The following EXT1 variants were observed in gnomAD, a reference collection of about 807,000 sequenced individuals.
EXT1 encodes the protein exostosin glycosyltransferase 1.
In EXT1, 20 loss-of-function variants were observed where a neutral mutation model predicts 82.5. The ratio of observed to expected loss-of-function variants is 0.24; its 90% CI spans 0.17 to 0.35. The LOEUF (loss-of-function observed/expected upper bound fraction) is 0.35. EXT1 is among the 10% of genes least tolerant of loss of function. EXT1 has a pLI of 1.00. For missense variants in EXT1, 757 were observed against 936.5 expected, an observed-to-expected ratio of 0.81 and a Z score of 2.50; for synonymous variants, 348 against 350.8, an observed-to-expected ratio of 0.99 and a Z score of 0.09.
chr8:117,892,294 T>G (rs1395618723), intron 1 of EXT1, among the ~76,000 whole-genome samples: 5 of 152,198 alleles, frequency 3.3e-5, no homozygotes, highest in African/African-American at 1.2e-4. Flanking sequence ...TCCAATGCAT[T>G]CACCTAGGAC....
Position 118,111,627 on chromosome 8 carries a change from C to T in EXT1, c.-581G>A, listed in dbSNP as rs1817905469. On this transcript the variant is annotated 5_prime_UTR_variant, in exon 1 of 11. Transcript: ENST00000378204. ...CTCTTTATTCCCTTCTGCAGCGGCT[C>T]CAAGACTCCGGCGGTGTTTACTCCT... 6 of 397,344 alleles carry T rather than the reference C, an allele frequency of 1.5e-5. No homozygotes were observed. The highest frequency in any genetic ancestry group is 2.7e-5 in the Non-Finnish European group (6 of 225,586). 24.6% of individuals were successfully genotyped at this position (397,344 alleles called of 1,614,324 possible).
At chr8:118,064,099 G>A (rs1403243078) in intron 1 of EXT1, among the ~76,000 whole-genome samples, 1 of 152,128 alleles carries the variant, frequency 6.6e-6, no homozygotes, top group African/African-American at 2.4e-5. Flanking sequence ...CCTGACCTTA[G>A]GTGATCCATC....
rs111790075 is a variant in EXT1 at position 118,091,353 on chromosome 8, G to T, written c.962+18732C>A. ...TCTCTAATTTCACTCCTACTATTTC[G>T]AACCTCAAGGAGGGTAAAATATATA... On this transcript the variant is annotated intron_variant, in intron 1 of 10. Transcript: ENST00000378204. Among the ~76,000 whole-genome samples the T allele has an allele frequency of 4.7e-3, 716 of 152,202 alleles. 9 individuals carry two copies. Among genetic ancestry groups the T allele is most frequent in the South Asian group, 0.029 (141 of 4,816 alleles).
chr8:118,003,369 A>G (rs1815711434), intron 1 of EXT1, among the ~76,000 whole-genome samples: 1 of 150,966 alleles, frequency 6.6e-6, no homozygotes, highest in Non-Finnish European at 1.5e-5. Flanking sequence ...TCATGTAACC[A>G]AACACCACCT....
intron 1 of EXT1, among the ~76,000 whole-genome samples, chr8:117,866,790 A>AC (rs1160424830): frequency 1.9e-4 from 17 of 90,036 alleles, no homozygotes; most frequent in Non-Finnish European, 3.0e-4. Context: ...TCCCTGGCCT[A>AC]CCCAAAAAAA....
chr8:118,103,613 G>C (rs1039628446), intron 1 of EXT1, among the ~76,000 whole-genome samples: 17 of 152,098 alleles, frequency 1.1e-4, no homozygotes, highest in Non-Finnish European at 2.5e-4. Flanking sequence ...CAGTCACTCT[G>C]ATCCCCATCC....
intron 1 of EXT1, among the ~76,000 whole-genome samples, chr8:117,918,270 G>A (rs4401892): frequency 0.053 from 8,071 of 152,156 alleles, 545 homozygotes; most frequent in African/African-American, 0.15. Flanking sequence ...GAGCTTCTGC[G>A]CTGCACCCAA....
At chr8:117,950,402 A>T (rs1398647666) in intron 1 of EXT1, among the ~76,000 whole-genome samples, 1 of 152,192 alleles carries the variant, frequency 6.6e-6, no homozygotes, top group Admixed American at 6.5e-5. Context: ...CCAAATGCGG[A>T]TTTACACTGA....
At chr8:117,824,845 T>C (rs1327710157) in intron 4 of EXT1, among the ~76,000 whole-genome samples, 1 of 152,080 alleles carries the variant, frequency 6.6e-6, no homozygotes, top group African/African-American at 2.4e-5. Context: ...ATTCTTCTTC[T>C]TCTTTTTCTT....
chr8:117,834,474 G>T (rs903787498), intron 3 of EXT1, among the ~76,000 whole-genome samples: 1 of 152,042 alleles, frequency 6.6e-6, no homozygotes, highest in Non-Finnish European at 1.5e-5. Context: ...GCGTGGTGGT[G>T]TGCACCTGTA....
chr8:117,849,398 T>G (rs1474187195), intron 1 of EXT1, among the ~76,000 whole-genome samples: 1 of 152,214 alleles, frequency 6.6e-6, no homozygotes, highest in Non-Finnish European at 1.5e-5. Flanking sequence ...ACAGTAATCT[T>G]TTAGGAAATA....
chr8:118,089,087 A>T (rs1295164567), intron 1 of EXT1, among the ~76,000 whole-genome samples: 1 of 152,094 alleles, frequency 6.6e-6, no homozygotes, highest in Non-Finnish European at 1.5e-5. Flanking sequence ...AATAAATTGT[A>T]TGTTATTTTT....
At chr8:118,098,684 G>A (rs1042686033) in intron 1 of EXT1, among the ~76,000 whole-genome samples, 12 of 151,634 alleles carry the variant, frequency 7.9e-5, no homozygotes, top group African/African-American at 1.2e-4. Flanking sequence ...GCATGAACCC[G>A]GGAGGCGGAG....
chr8:118,003,037 A>G (rs1815705226), intron 1 of EXT1, among the ~76,000 whole-genome samples: 1 of 152,198 alleles, frequency 6.6e-6, no homozygotes, highest in South Asian at 2.1e-4. Context: ...ATATATATAC[A>G]CACACATATA....
chr8:118,028,931 AAAAT>A (rs1316264356), intron 1 of EXT1, among the ~76,000 whole-genome samples: 1 of 152,216 alleles, frequency 6.6e-6, no homozygotes, highest in Non-Finnish European at 1.5e-5. Context: ...TCAAAGAAAA[AAAAT>A]AAATAAATTA....
At chr8:118,063,704 A>C (rs766626299) in intron 1 of EXT1, among the ~76,000 whole-genome samples, 1 of 152,218 alleles carries the variant, frequency 6.6e-6, no homozygotes, top group Non-Finnish European at 1.5e-5. Context: ...TCGGTTTACA[A>C]CTAGACTCTC....
At chr8:118,064,939 G>A (rs1055578612) in intron 1 of EXT1, among the ~76,000 whole-genome samples, 2 of 145,628 alleles carry the variant, frequency 1.4e-5, no homozygotes, top group Non-Finnish European at 3.0e-5. Context: ...TGCAACCTCT[G>A]CCTCCCAGAT....
chr8:117,848,310 G>C (rs985505210), intron 1 of EXT1, among the ~76,000 whole-genome samples: 1 of 152,134 alleles, frequency 6.6e-6, no homozygotes, highest in Non-Finnish European at 1.5e-5. Flanking sequence ...GGATTAGAGA[G>C]GCCCACAAGT....
At chr8:117,858,904 A>G (rs1006244201) in intron 1 of EXT1, among the ~76,000 whole-genome samples, 3 of 144,272 alleles carry the variant, frequency 2.1e-5, no homozygotes, top group Admixed American at 1.4e-4. Context: ...AAAGAAAGAA[A>G]GAAAGAAATT....
Sources: gnomAD v4.1 joint callset for allele counts (sites outside exome capture counted in the v4.1 genomes callset) on GRCh38, gnomAD v4.1.1 for gene constraint, MANE v1.5 for transcripts, NCBI Gene and HGNC (gene_info 2026-07-23, HGNC 2026-07-21) for gene names.